TSHZ2: variants seen among roughly 807,000 people sequenced by gnomAD.
TSHZ2 encodes the protein teashirt homolog 2.
A neutral mutation model predicts 74.4 loss-of-function variants in TSHZ2; 21 were observed. The observed-to-expected ratio is 0.28, with a 90% confidence interval of 0.20 to 0.41. TSHZ2 has a LOEUF of 0.41. Ranked by LOEUF, TSHZ2 falls within the 10% of genes least tolerant of loss-of-function variation. The pLI, the probability that TSHZ2 is intolerant of heterozygous loss-of-function variation, is 1.00. For missense variants in TSHZ2, 1,244 were observed against 1,293.5 expected (o/e 0.96, Z 0.59); for synonymous variants, 540 against 515.3 (o/e 1.05, Z -0.65).
chr20:53,223,101 A>G (rs1185379143), intron 1 of TSHZ2, among the ~76,000 whole-genome samples: 1 of 152,038 alleles, frequency 6.6e-6, no homozygotes, highest in Non-Finnish European at 1.5e-5. Context: ...TATGTCTATC[A>G]TCTAGAAAGT....
At chr20:53,304,789 G>T (rs8121015) in intron 2 of TSHZ2, among the ~76,000 whole-genome samples, 1 of 151,572 alleles carries the variant, frequency 6.6e-6, no homozygotes, top group African/African-American at 2.4e-5. Flanking sequence ...GCACCACCAC[G>T]CCCAGCTAAT....
At position 53,472,583 on chromosome 20, in the gene TSHZ2, C is replaced by G. The variant is rs146938264; in HGVS notation, c.*9-14561C>G. 3.5e-4 allele frequency among the ~76,000 whole-genome samples: 53 copies of G among 152,244 alleles called. 1 individual carries two copies. The highest frequency in any genetic ancestry group is 1.9e-3 in the South Asian group (9 of 4,830). The stretch of plus-strand genomic sequence containing the variant: ...GATCTGGAACTCACAGTCACCAGCA[C>G]GCAGACGATATTTCAAGTTTCAGAA... On this transcript the variant is annotated intron_variant, in intron 2 of 2. Transcript: ENST00000371497.
intron 1 of TSHZ2, among the ~76,000 whole-genome samples, chr20:53,200,821 C>T (rs1172169740): frequency 6.6e-6 from 1 of 152,008 alleles, no homozygotes; most frequent in Non-Finnish European, 1.5e-5. Context: ...TTTGGAAGTA[C>T]ATACTAAAAT....
chr20:53,081,662 G>A (rs900533648), intron 1 of TSHZ2, among the ~76,000 whole-genome samples: 12 of 152,054 alleles, frequency 7.9e-5, no homozygotes, highest in African/African-American at 2.7e-4. Context: ...TATTTATCAC[G>A]GTGTTTATAA....
chr20:53,385,266 AT>A (rs903152441), intron 2 of TSHZ2, among the ~76,000 whole-genome samples: 20 of 151,794 alleles, frequency 1.3e-4, no homozygotes, highest in East Asian at 3.9e-4. Flanking sequence ...CTTAAAAGGG[AT>A]TTTTTTTTCT....
chr20:53,073,305 C>T (rs1326038119), intron 1 of TSHZ2, among the ~76,000 whole-genome samples: 2 of 146,666 alleles, frequency 1.4e-5, no homozygotes, highest in African/African-American at 2.7e-5. Context: ...TTCATCCATC[C>T]ATCCATCCAT....
chr20:52,972,947 A>AG lies in TSHZ2; in HGVS notation c.-347_-346insG. ...GAAATCAAGTGTCTCAACAGTCACCAAAAAAAAAAAAAACCGCAAAAACAA... is the reference window on the plus strand; with the variant it reads ...GAAATCAAGTGTCTCAACAGTCACCAGAAAAAAAAAAAAACCGCAAAAACAA... On this transcript the variant is annotated 5_prime_UTR_variant, in exon 1 of 3. The change creates a premature stop within an existing upstream ORF in the 5' untranslated region. Transcript: ENST00000371497. 6.6e-6 allele frequency: 1 copy of AG among 152,150 alleles called. No individual in the cohort carries two copies. The highest frequency in any genetic ancestry group is 1.3e-5 in the Non-Finnish European group (1 of 78,356). The allele number at this position is 152,150 out of a possible 1,614,324, so 9.4% of individuals were successfully genotyped here.
rs1990398846 is a variant in TSHZ2, at chr20:53,254,069, T to C, written c.611T>C (p.Met204Thr). 1 of 1,614,036 alleles carries C rather than the reference T, an allele frequency of 6.2e-7. No homozygotes were observed. Among genetic ancestry groups the C allele is most frequent in the Non-Finnish European group, 8.5e-7 (1 of 1,180,006 alleles). Residue 204 changes from methionine to threonine, a missense_variant, in exon 2 of 3, where the codon ATG becomes ACG. By Grantham distance (81) the Met-to-Thr change is moderately conservative. This residue lies in a region of TSHZ2 where 470 missense variants were observed against 456.5 expected (regional missense o/e 1.03). Transcript: ENST00000371497. ...SVQLYRQSSK[M>T]CGTVFTGASR... ...CAGTTGTACCGACAGAGCAGCAAGATGTGCGGGACTGTGTTCACAGGGGCC... is the reference window on the plus strand; with the variant it reads ...CAGTTGTACCGACAGAGCAGCAAGACGTGCGGGACTGTGTTCACAGGGGCC...
At chr20:53,291,647 A>G (rs982426254) in intron 2 of TSHZ2, among the ~76,000 whole-genome samples, 4 of 151,960 alleles carry the variant, frequency 2.6e-5, no homozygotes, top group African/African-American at 9.7e-5. Context: ...TACACAGTCA[A>G]GAGTTTTGCC....
intron 1 of TSHZ2, among the ~76,000 whole-genome samples, chr20:53,217,564 A>G (rs1281067835): frequency 1.3e-5 from 2 of 152,158 alleles, no homozygotes; most frequent in African/African-American, 2.4e-5. Context: ...CAGGCGCAAT[A>G]TAAGGAGTGG....
intron 2 of TSHZ2, among the ~76,000 whole-genome samples, chr20:53,327,404 G>A (rs1210115095): frequency 1.3e-5 from 2 of 152,168 alleles, no homozygotes; most frequent in Non-Finnish European, 2.9e-5. Context: ...CAGGAGAATG[G>A]CATGAACCCG....
At chr20:53,461,651 A>T (rs1212852399) in intron 2 of TSHZ2, 2 of 152,188 alleles carry the variant, frequency 1.3e-5, no homozygotes, top group Non-Finnish European at 2.9e-5. Context: ...TGAGAGTAAG[A>T]AGTTCCAAAA....
intron 2 of TSHZ2, among the ~76,000 whole-genome samples, chr20:53,274,910 A>G (rs1381093830): frequency 6.6e-6 from 1 of 152,126 alleles, no homozygotes; most frequent in Non-Finnish European, 1.5e-5. Flanking sequence ...GTGATGCCGT[A>G]AATACAGCCA....
intron 2 of TSHZ2, among the ~76,000 whole-genome samples, chr20:53,381,671 C>A (rs1270648554): frequency 6.6e-6 from 1 of 152,114 alleles, no homozygotes; most frequent in Non-Finnish European, 1.5e-5. Context: ...TTCCCACTTG[C>A]CTTCACTTGG....
At chr20:53,155,787 T>C (rs971514175) in intron 1 of TSHZ2, among the ~76,000 whole-genome samples, 1 of 152,132 alleles carries the variant, frequency 6.6e-6, no homozygotes, top group African/African-American at 2.4e-5. Context: ...AATGTTGTGA[T>C]AGACTCTACA....
intron 2 of TSHZ2, among the ~76,000 whole-genome samples, chr20:53,278,416 A>G (rs916762178): frequency 6.6e-6 from 1 of 152,042 alleles, no homozygotes; most frequent in Non-Finnish European, 1.5e-5. Flanking sequence ...TTGGACCTCC[A>G]TGATGCTTTT....
At chr20:53,003,553 A>G (rs76117855) in intron 1 of TSHZ2, among the ~76,000 whole-genome samples, 2,310 of 152,252 alleles carry the variant, frequency 0.015, 30 homozygotes, top group Non-Finnish European at 0.023. Flanking sequence ...TTCATTGTTG[A>G]GGTAATTGTC....
chr20:53,220,887 A>G lies in TSHZ2; in HGVS notation c.41-32612A>G, dbSNP rs543772748. On this transcript the variant is annotated intron_variant, in intron 1 of 2. Coordinates refer to ENST00000371497, the MANE Select transcript of TSHZ2 (RefSeq NM_173485.6). ...TTGTTCTGCATCTCAAGGTGACAGC[A>G]TCTGCTAAGCTCAGAGATTGCCATC... 5.2e-5 allele frequency among the ~76,000 whole-genome samples: 8 copies of G among 152,390 alleles called. No homozygotes were observed. The East Asian group carries it at 9.6e-4, about 18-fold the overall frequency.
chr20:53,073,861 A>G (rs1313215922), intron 1 of TSHZ2, among the ~76,000 whole-genome samples: 2 of 152,144 alleles, frequency 1.3e-5, no homozygotes, highest in African/African-American at 4.8e-5. Context: ...CACTGACCTC[A>G]GTGTTTGTTA....
Sources: gnomAD v4.1 joint callset for allele counts (sites outside exome capture counted in the v4.1 genomes callset) on GRCh38, gnomAD v4.1.1 for gene constraint, gnomAD v4.1.1 regional missense constraint, MANE v1.5 for transcripts, NCBI Gene and HGNC (gene_info 2026-07-23, HGNC 2026-07-21) for gene names.